TSGA10: variants seen among roughly 807,000 people sequenced by gnomAD.
TSGA10 encodes testis specific 10.
A neutral mutation model predicts 96.6 loss-of-function variants in TSGA10; 43 were observed. That is an observed-to-expected ratio of 0.44 (90% confidence interval 0.35 to 0.57). TSGA10 has a LOEUF of 0.57. TSGA10 is among the 20% of genes least tolerant of loss of function. The pLI, the probability that TSGA10 is intolerant of heterozygous loss-of-function variation, is 0.01. For synonymous variants in TSGA10, 229 were observed against 269.9 expected (o/e 0.85, Z 1.48); for missense variants, 703 against 834.4 (o/e 0.84, Z 1.94).
chr2:99,076,280 C>T (rs2086690704), intron 12 of TSGA10, among the ~76,000 whole-genome samples: 1 of 152,146 alleles, frequency 6.6e-6, no homozygotes, highest in Non-Finnish European at 1.5e-5. Context: ...ACTGATACTC[C>T]TACTATTCTA....
rs1043507133 is a variant in TSGA10 at position 99,154,848 on chromosome 2, G to C, written c.-776C>G. Reference sequence around the variant, plus strand: ...TGAAGGACCCTTACTTAGCACTCCTGCGGGCTGCCGGGACCCCACGGCTCC... The same window carrying C: ...TGAAGGACCCTTACTTAGCACTCCTCCGGGCTGCCGGGACCCCACGGCTCC... On this transcript the variant is annotated 5_prime_UTR_variant, in exon 1 of 21. Coordinates refer to ENST00000393483, the MANE Select transcript of TSGA10 (RefSeq NM_025244.4). 11 of 348,106 alleles carry C rather than the reference G, an allele frequency of 3.2e-5. No individual in the cohort carries two copies. The highest frequency in any genetic ancestry group is 2.4e-4 in the African/African-American group (11 of 45,986). The allele number at this position is 348,106 out of a possible 1,614,324, so 21.6% of individuals were successfully genotyped here. A position where few individuals can be genotyped will look rare whatever the true frequency, so the allele number is the denominator to read the frequency against.
chr2:99,091,493 A>C (rs2089329408), intron 10 of TSGA10, among the ~76,000 whole-genome samples: 1 of 152,160 alleles, frequency 6.6e-6, no homozygotes, highest in Non-Finnish European at 1.5e-5. Flanking sequence ...TAAATGCTCC[A>C]CTTAAAAGAT....
intron 10 of TSGA10, among the ~76,000 whole-genome samples, chr2:99,092,910 G>A (rs2089520660): frequency 6.6e-6 from 1 of 152,102 alleles, no homozygotes; most frequent in African/African-American, 2.4e-5. Context: ...TATGAAGCCA[G>A]CATCACCCTA....
chr2:99,143,210 C>T lies in TSGA10; in HGVS notation c.-621+11483G>A, dbSNP rs1344876612. ...AGGCTGGAGTGCAGTGGCACGATCT[C>T]GGCTCACTGCAACCTCCGCCTCCCG... On this transcript the variant is annotated intron_variant, in intron 1 of 20. Transcript: ENST00000393483. Among the ~76,000 whole-genome samples, 14 of 143,788 alleles carry T rather than the reference C, an allele frequency of 9.7e-5. No individual in the cohort carries two copies. The East Asian group carries it at 2.1e-3, about 22-fold the overall frequency. 94.3% of individuals were successfully genotyped at this position (143,788 alleles called of 152,430 possible). A position where few individuals can be genotyped will look rare whatever the true frequency, so the allele number is the denominator to read the frequency against.
At chr2:99,019,163 T>G (rs1021660502) in intron 18 of TSGA10, among the ~76,000 whole-genome samples, 4 of 152,158 alleles carry the variant, frequency 2.6e-5, no homozygotes, top group African/African-American at 9.7e-5. Context: ...CACAATATCA[T>G]AGGGAAGATA....
chr2:99,101,194 G>A (rs1574356714), intron 10 of TSGA10, among the ~76,000 whole-genome samples: 1 of 119,770 alleles, frequency 8.3e-6, no homozygotes, highest in East Asian at 2.9e-4. Context: ...GCAGTGAGCC[G>A]AGATTGCATG....
rs1242810866 is a variant in TSGA10, at chr2:99,102,467, A to G, written c.611+1500T>C. 8 of 1,613,858 alleles carry G rather than the reference A, an allele frequency of 5.0e-6. No homozygotes were observed. The Admixed American group carries it at 1.3e-4, about 27-fold the overall frequency. ...TTTCAGGTGGACAGAAATCCTTGGTAGCCCTTGCTCTGATTTTTGCCATTC... is the reference window on the plus strand; with the variant it reads ...TTTCAGGTGGACAGAAATCCTTGGTGGCCCTTGCTCTGATTTTTGCCATTC... On this transcript the variant is annotated intron_variant, in intron 10 of 20. Transcript: ENST00000393483.
At chr2:99,120,828 C>T (rs2104941078) in intron 2 of TSGA10, among the ~76,000 whole-genome samples, 1 of 152,288 alleles carries the variant, frequency 6.6e-6, no homozygotes. Context: ...TCTTCTGCTG[C>T]CCCTTTATAT....
In TSGA10 at chr2:99,117,544, C is replaced by T. The variant is rs1313495061; in HGVS notation, c.-140G>A. 1.0e-6 allele frequency: 1 copy of T among 985,442 alleles called. No homozygotes were observed. The highest frequency in any genetic ancestry group is 1.2e-6 in the Non-Finnish European group (1 of 829,754). 61.0% of individuals were successfully genotyped at this position (985,442 alleles called of 1,614,324 possible). On this transcript the variant is annotated splice_region_variant and 5_prime_UTR_variant, in exon 4 of 21. Coordinates refer to ENST00000393483, the MANE Select transcript of TSGA10 (RefSeq NM_025244.4). ...TCCTTATCCGTGGTAAATCTGGTAC[C>T]TTGGCTTCTTCAAGTTCCTTGTTGG...
rs79099644 is a variant in TSGA10 at position 99,114,090 on chromosome 2, A to G, written c.-139-3175T>C. On this transcript the variant is annotated intron_variant, in intron 4 of 20. Transcript: ENST00000393483. ...ACTAAAAGTAAATACTTCCCAGTGA[A>G]TACATTTAATACTATCTCAATTCCA... is the stretch of plus-strand genomic sequence containing the variant. Among the ~76,000 whole-genome samples the G allele has an allele frequency of 2.8e-3, 429 of 152,340 alleles. 4 individuals carry two copies. The highest frequency in any genetic ancestry group is 5.0e-3 in the Non-Finnish European group (343 of 68,038).
chr2:99,004,234 C>A (rs2078256798), intron 20 of TSGA10, among the ~76,000 whole-genome samples: 1 of 152,062 alleles, frequency 6.6e-6, no homozygotes, highest in Admixed American at 6.5e-5. Context: ...TACACCCTCC[C>A]AAGACTAAAC....
At chr2:99,153,880 G>C (rs2093720132) in intron 1 of TSGA10, among the ~76,000 whole-genome samples, 1 of 152,194 alleles carries the variant, frequency 6.6e-6, no homozygotes. Flanking sequence ...CTTACTCCAA[G>C]AGGCAAGTCT....
chr2:99,017,681 C>T (rs2079634842), intron 20 of TSGA10, among the ~76,000 whole-genome samples: 2 of 150,232 alleles, frequency 1.3e-5, no homozygotes, highest in African/African-American at 2.4e-5. Context: ...AGGAGAATGG[C>T]GTGAACCCGG....
chr2:99,049,113 T>A (rs28866538), intron 16 of TSGA10, among the ~76,000 whole-genome samples: 53,359 of 152,050 alleles, frequency 0.35, 10,705 homozygotes, highest in African/African-American at 0.55. Context: ...GAAATAAGAA[T>A]GCTTTTACAC....
At chr2:99,143,805 C>G (rs775829652) in intron 1 of TSGA10, among the ~76,000 whole-genome samples, 5 of 152,068 alleles carry the variant, frequency 3.3e-5, no homozygotes, top group Non-Finnish European at 7.4e-5. Flanking sequence ...TGTGCTTGCT[C>G]TCTCGTGACA....
intron 10 of TSGA10, among the ~76,000 whole-genome samples, chr2:99,100,181 C>T (rs563496992): frequency 6.6e-6 from 1 of 152,182 alleles, no homozygotes; most frequent in Admixed American, 6.5e-5. Context: ...TTGACCAGCT[C>T]ACTCTAAAAT....
intron 17 of TSGA10, among the ~76,000 whole-genome samples, chr2:99,033,099 T>G (rs966486346): frequency 1.3e-5 from 2 of 152,200 alleles, no homozygotes; most frequent in Admixed American, 6.5e-5. Context: ...CATGGCTGGA[T>G]AGCTTTCTGA....
intron 16 of TSGA10, among the ~76,000 whole-genome samples, chr2:99,063,810 AATAT>A (rs940808292): frequency 6.6e-6 from 1 of 151,882 alleles, no homozygotes; most frequent in Non-Finnish European, 1.5e-5. Context: ...ATCTCAAAAA[AATAT>A]ATATATATGA....
At chr2:99,112,578 G>C (rs141905517) in intron 4 of TSGA10, among the ~76,000 whole-genome samples, 72 of 152,116 alleles carry the variant, frequency 4.7e-4, no homozygotes, top group Admixed American at 1.5e-3. Context: ...AAAAACTTCA[G>C]AGGAAAGGAA....
Sources: gnomAD v4.1 joint callset for allele counts (sites outside exome capture counted in the v4.1 genomes callset) on GRCh38, gnomAD v4.1.1 for gene constraint, MANE v1.5 for transcripts, NCBI Gene and HGNC (gene_info 2026-07-23, HGNC 2026-07-21) for gene names.